The following TSPAN18 variants were observed in gnomAD, a reference collection of about 807,000 sequenced individuals.
TSPAN18 encodes tetraspanin-18.
Under a neutral mutation model 27.3 loss-of-function variants are expected in TSPAN18, and 14 were observed. The observed-to-expected ratio is 0.51, with a 90% CI of 0.34 to 0.80. TSPAN18 has a LOEUF of 0.80. Among genes scored for constraint, TSPAN18 ranks in the 30% least tolerant of loss-of-function variants. The pLI is 0.01. For missense variants in TSPAN18, 268 were observed against 323.9 expected (o/e 0.83, Z 1.32); for synonymous variants, 143 against 136.5 (o/e 1.05, Z -0.33).
At chr11:44,740,474 C>A (rs964724255) in intron 1 of TSPAN18, among the ~76,000 whole-genome samples, 17 of 152,170 alleles carry the variant, frequency 1.1e-4, no homozygotes, top group Admixed American at 5.9e-4. Flanking sequence ...GCATGGGGCA[C>A]CTGGTGCTGC....
intron 2 of TSPAN18, among the ~76,000 whole-genome samples, chr11:44,805,251 T>C (rs1164831389): frequency 1.3e-5 from 2 of 152,188 alleles, no homozygotes; most frequent in Non-Finnish European, 2.9e-5. Flanking sequence ...GAGCGGCAGA[T>C]GCGTGCATCT....
intron 1 of TSPAN18, among the ~76,000 whole-genome samples, chr11:44,731,633 TGA>T (rs1554976096): frequency 4.5e-4 from 48 of 107,438 alleles, no homozygotes; most frequent in Admixed American, 7.0e-4. Flanking sequence ...TGTGTGTGTG[TGA>T]GAGAGAGAGA....
At chr11:44,746,816 G>A (rs548462606) in intron 1 of TSPAN18, among the ~76,000 whole-genome samples, 258 of 152,214 alleles carry the variant, frequency 1.7e-3, no homozygotes, top group Non-Finnish European at 3.0e-3. Flanking sequence ...CGGTGTGCCT[G>A]GGCAGCAGAG....
intron 3 of TSPAN18, among the ~76,000 whole-genome samples, chr11:44,867,625 CT>C (rs1409723358): frequency 2.0e-5 from 3 of 152,012 alleles, no homozygotes; most frequent in Admixed American, 2.0e-4. Flanking sequence ...TCTCAAACTC[CT>C]GACCTCAGGT....
chr11:44,926,153 G>A (rs1278613731), intron 8 of TSPAN18, among the ~76,000 whole-genome samples: 1 of 152,160 alleles, frequency 6.6e-6, no homozygotes, highest in African/African-American at 2.4e-5. Flanking sequence ...GGAAGTGGCC[G>A]AAAACCAAAA....
chr11:44,875,809 T>A (rs911141809), intron 3 of TSPAN18, among the ~76,000 whole-genome samples: 1 of 152,212 alleles, frequency 6.6e-6, no homozygotes, highest in Non-Finnish European at 1.5e-5. Context: ...GAGCTAGGAT[T>A]TATATAAAAC....
At chr11:44,892,974 G>C (rs1858903495) in intron 3 of TSPAN18, among the ~76,000 whole-genome samples, 3 of 152,258 alleles carry the variant, frequency 2.0e-5, no homozygotes. Flanking sequence ...GGTGGGAAGA[G>C]CAGCGGGCTT....
chr11:44,909,186 C>T (rs1459453670), intron 4 of TSPAN18, among the ~76,000 whole-genome samples: 1 of 152,174 alleles, frequency 6.6e-6, no homozygotes, highest in Non-Finnish European at 1.5e-5. Flanking sequence ...CTGTGTCTTC[C>T]CAGCCCCTAG....
intron 3 of TSPAN18, among the ~76,000 whole-genome samples, chr11:44,861,462 C>T (rs1465316578): frequency 2.2e-4 from 2 of 9,056 alleles, no homozygotes; most frequent in Non-Finnish European, 4.2e-4. Context: ...GGGGTGGGGG[C>T]GGTCGGTGCT....
chr11:44,804,357 C>T lies in TSPAN18; in HGVS notation c.-153+39845C>T, dbSNP rs538319077. ...CTGCCCACCTCGGCCTCCCAAAGTG[C>T]TGGGATTACAGGCGTAAGCCACCGC... On this transcript the variant is annotated intron_variant, in intron 2 of 9. Coordinates refer to ENST00000520358, the MANE Select transcript of TSPAN18 (RefSeq NM_130783.5). 1.1e-3 allele frequency among the ~76,000 whole-genome samples: 165 copies of T among 152,346 alleles called. 1 individual carries two copies. Among genetic ancestry groups the T allele is most frequent in the African/African-American group, 3.9e-3 (162 of 41,574 alleles).
chr11:44,888,526 G>T (rs1029517543), intron 3 of TSPAN18, among the ~76,000 whole-genome samples: 4 of 152,106 alleles, frequency 2.6e-5, no homozygotes, highest in African/African-American at 4.8e-5. Context: ...TCACCAAAGG[G>T]TTTATAATCT....
intron 8 of TSPAN18, among the ~76,000 whole-genome samples, chr11:44,922,491 T>C (rs1287988664): frequency 6.6e-6 from 1 of 151,842 alleles, no homozygotes; most frequent in Non-Finnish European, 1.5e-5. Flanking sequence ...CTGTGGGGGT[T>C]GGGGTGGGGG....
At chr11:44,756,271 G>T (rs1483417013) in intron 1 of TSPAN18, among the ~76,000 whole-genome samples, 8 of 144,280 alleles carry the variant, frequency 5.5e-5, no homozygotes, top group Admixed American at 4.1e-4. Context: ...GTGTGGAGGG[G>T]TGTAGCCCCC....
At chr11:44,769,309 G>A (rs1565141014) in intron 2 of TSPAN18, among the ~76,000 whole-genome samples, 1 of 152,136 alleles carries the variant, frequency 6.6e-6, no homozygotes, top group Non-Finnish European at 1.5e-5. Context: ...AATATTTGTT[G>A]AGGATTTTTG....
chr11:44,798,624 C>A (rs1590488091), intron 2 of TSPAN18, among the ~76,000 whole-genome samples: 1 of 152,192 alleles, frequency 6.6e-6, no homozygotes, highest in African/African-American at 2.4e-5. Flanking sequence ...CAGCCCTCAC[C>A]CCCTGCCCTC....
chr11:44,743,636 G>A (rs1219748599), intron 1 of TSPAN18, among the ~76,000 whole-genome samples: 1 of 152,234 alleles, frequency 6.6e-6, no homozygotes, highest in African/African-American at 2.4e-5. Context: ...CAGCTTTCAA[G>A]TTGCCCTTGG....
Position 44,778,225 on chromosome 11 carries a change from A to C in TSPAN18, c.-153+13713A>C, listed in dbSNP as rs559645076. 2.0e-5 allele frequency among the ~76,000 whole-genome samples: 3 copies of C among 152,138 alleles called. No homozygotes were observed. The East Asian group carries it at 5.8e-4, about 29-fold the overall frequency. ...CCAGGATGGTGCAACTTGTGTAGCT[A>C]GCCAGAAGGAGCACACCTCTTGTTT... On this transcript the variant is annotated intron_variant, in intron 2 of 9. Coordinates refer to ENST00000520358, the MANE Select transcript of TSPAN18 (RefSeq NM_130783.5).
chr11:44,903,775 C>A (rs1441360936), intron 3 of TSPAN18: 1 of 454,094 alleles, frequency 2.2e-6, no homozygotes, highest in South Asian at 1.6e-5. Flanking sequence ...CCATCACACA[C>A]ACACCATCCT....
At chr11:44,791,490 G>A (rs1028371930) in intron 2 of TSPAN18, among the ~76,000 whole-genome samples, 5 of 152,214 alleles carry the variant, frequency 3.3e-5, no homozygotes, top group Non-Finnish European at 4.4e-5. Context: ...CAATGATTCC[G>A]GAGCGAGTGG....
Sources: allele counts gnomAD v4.1 joint callset (sites outside exome capture counted in the v4.1 genomes callset), GRCh38; gene constraint gnomAD v4.1.1; transcripts MANE v1.5; gene names NCBI Gene and HGNC (gene_info 2026-07-23, HGNC 2026-07-21).